CLTCL1: variants seen among roughly 807,000 people sequenced by gnomAD.
CLTCL1 encodes the protein clathrin heavy chain 2.
CLTCL1 carries 159 observed loss-of-function variants against 190.0 expected under a neutral mutation model. That is an observed-to-expected ratio of 0.84 (90% confidence interval 0.74 to 0.95). CLTCL1 has a LOEUF of 0.95. Among genes scored for constraint, CLTCL1 ranks in the 40% least tolerant of loss-of-function variants. CLTCL1 has a pLI of 0.00. For missense variants in CLTCL1, 1,878 were observed against 2,033.4 expected, an observed-to-expected ratio of 0.92 and a Z score of 1.47; for synonymous variants, 752 against 769.6, an observed-to-expected ratio of 0.98 and a Z score of 0.38.
At chr22:19,248,238 G>A (rs368047069) in intron 3 of CLTCL1, among the ~76,000 whole-genome samples, 3 of 151,804 alleles carry the variant, frequency 2.0e-5, no homozygotes, top group South Asian at 2.1e-4. Context: ...CGGAGGTTGC[G>A]GTGAGCCAAG....
chr22:19,183,831 A>G, intron 29 of CLTCL1: 1 of 569,050 alleles, frequency 1.8e-6, no homozygotes, highest in Non-Finnish European at 3.1e-6. Context: ...CAGGTGGCTC[A>G]CGGAGGCGCA....
At chr22:19,230,397 C>A (rs868918968) in intron 10 of CLTCL1, among the ~76,000 whole-genome samples, 6 of 152,136 alleles carry the variant, frequency 3.9e-5, no homozygotes, top group Admixed American at 2.6e-4. Context: ...AGCCACTGCG[C>A]CCGGCCCCTT....
chr22:19,210,365 G>A lies in CLTCL1; in HGVS notation c.3210C>T (p.Thr1070=), dbSNP rs782023630. Reference sequence around the variant, plus strand: ...CATTCATATCAAACTTGTGGAAAACGGTGAAGGCCTCCTCATACAGTGCGC... The same window carrying A: ...CATTCATATCAAACTTGTGGAAAACAGTGAAGGCCTCCTCATACAGTGCGC... ...VSSALYEEAF[T]VFHKFDMNAS... The change falls in exon 20 of 33, where the codon ACC becomes ACT. Residue 1070 remains threonine, a synonymous_variant. Coordinates refer to ENST00000427926, the MANE Select transcript of CLTCL1 (RefSeq NM_007098.4). The A allele has an allele frequency of 1.1e-5, 17 of 1,613,840 alleles. No homozygotes were observed. Among genetic ancestry groups the A allele is most frequent in the East Asian group, 2.2e-5 (1 of 44,884 alleles).
intron 1 of CLTCL1, among the ~76,000 whole-genome samples, chr22:19,291,112 T>C (rs782067368): frequency 2.0e-5 from 3 of 152,184 alleles, no homozygotes; most frequent in Non-Finnish European, 2.9e-5. Context: ...AAAAGCCCTA[T>C]TTAGGCTTGG....
rs2085792711 is a variant in CLTCL1 at position 19,227,653 on chromosome 22, C to T, written c.1783-1270G>A. On this transcript the variant is annotated intron_variant, in intron 11 of 32. Transcript: ENST00000427926. Reference sequence around the variant, plus strand: ...TATTTTTAGTAAAGACAGGGTTTCACCATGTTGGCCAGGCTGGTCTCGATC... The same window carrying T: ...TATTTTTAGTAAAGACAGGGTTTCATCATGTTGGCCAGGCTGGTCTCGATC... 5.3e-5 allele frequency among the ~76,000 whole-genome samples: 8 copies of T among 151,974 alleles called. No homozygotes were observed. In the South Asian group the frequency reaches 1.5e-3, roughly 28 times the overall value.
At chr22:19,283,919 G>A in intron 1 of CLTCL1, among the ~76,000 whole-genome samples, 1 of 151,472 alleles carries the variant, frequency 6.6e-6, no homozygotes, top group East Asian at 2.0e-4. Flanking sequence ...TTGAAACCAG[G>A]AGGCAGAGGC....
intron 2 of CLTCL1, among the ~76,000 whole-genome samples, chr22:19,272,805 G>A (rs1348550047): frequency 1.3e-5 from 2 of 152,044 alleles, no homozygotes; most frequent in Non-Finnish European, 2.9e-5. Context: ...TAGGGACAGG[G>A]TCTTGCTCTG....
At chr22:19,216,074 C>CAAGCAG in intron 19 of CLTCL1, 37 bp downstream of exon 19, 1 of 1,603,248 alleles carries the variant, frequency 6.2e-7, no homozygotes, top group East Asian at 2.2e-5. Context: ...TGTTTTGAAT[C>CAAGCAG]TGCCTGTGTC....
chr22:19,223,815 G>A, intron 14 of CLTCL1, 76 bp downstream of exon 14: 1 of 1,567,090 alleles, frequency 6.4e-7, no homozygotes, highest in Non-Finnish European at 8.7e-7. Flanking sequence ...CCTGCCCCTG[G>A]GACGTCCTGC....
chr22:19,239,173 G>A, intron 5 of CLTCL1, 102 bp downstream of exon 5: 2 of 877,994 alleles, frequency 2.3e-6, no homozygotes, highest in Admixed American at 3.7e-5. Context: ...ACAGTGGCAG[G>A]AGACAGCAGA....
intron 26 of CLTCL1, among the ~76,000 whole-genome samples, chr22:19,195,857 TAA>T (rs74936976): frequency 7.5e-6 from 1 of 133,794 alleles, no homozygotes; most frequent in African/African-American, 2.8e-5. Flanking sequence ...AGACATGAAC[TAA>T]AAAAAAAAAA....
Position 19,183,383 on chromosome 22 carries a change from C to T in CLTCL1, c.4827+7G>A. On this transcript the variant is annotated splice_region_variant and intron_variant, in intron 30 of 32. Coordinates refer to ENST00000427926, the MANE Select transcript of CLTCL1 (RefSeq NM_007098.4). ...GGCCGGGGAGCTGCAGCCGGCCCGG[C>T]ACCTACCTTGCTCAGGTACTCCCTC... 6 of 1,611,730 alleles carry T rather than the reference C, an allele frequency of 3.7e-6. No homozygotes were observed. In the South Asian group the frequency reaches 4.4e-5, roughly 12 times the overall value.
chr22:19,199,116 C>T (rs1465934019), intron 24 of CLTCL1, among the ~76,000 whole-genome samples: 18 of 152,192 alleles, frequency 1.2e-4, no homozygotes, highest in Non-Finnish European at 5.9e-5. Flanking sequence ...CACTGCTGAG[C>T]AGAGTCAGAT....
intron 2 of CLTCL1, among the ~76,000 whole-genome samples, chr22:19,272,707 G>A (rs562866647): frequency 6.6e-6 from 1 of 152,190 alleles, no homozygotes; most frequent in Admixed American, 6.5e-5. Flanking sequence ...CCGACCTCCA[G>A]GTGATCTGCC....
chr22:19,242,735 G>A, intron 4 of CLTCL1, 40 bp downstream of exon 4: 1 of 1,611,482 alleles, frequency 6.2e-7, no homozygotes, highest in Non-Finnish European at 8.5e-7. Context: ...ACCAGCTCAT[G>A]ACACTTTTCT....
intron 3 of CLTCL1, among the ~76,000 whole-genome samples, chr22:19,251,499 C>T (rs977005506): frequency 1.3e-5 from 2 of 152,126 alleles, no homozygotes; most frequent in African/African-American, 4.8e-5. Context: ...GCTCTTTTGC[C>T]CAGGCCGGAC....
rs905233727 is a variant in CLTCL1, at chr22:19,248,543, T to C, written c.519+5416A>G. On this transcript the variant is annotated intron_variant, in intron 3 of 32. Transcript: ENST00000427926. ...CCTTTGAAAGAAACCCTATTAGCAT[T>C]CAATCCTCATTCCTATCTCCCAGAC... 2.0e-5 allele frequency among the ~76,000 whole-genome samples: 3 copies of C among 152,142 alleles called. No homozygotes were observed. In the South Asian group the frequency reaches 6.2e-4, roughly 32 times the overall value.
intron 3 of CLTCL1, among the ~76,000 whole-genome samples, chr22:19,247,821 A>G (rs1248851880): frequency 6.6e-6 from 1 of 151,496 alleles, no homozygotes; most frequent in African/African-American, 2.4e-5. Context: ...TTGGCCTCCC[A>G]AAGTGCTGGG....
Position 19,222,098 on chromosome 22 carries a change from G to A in CLTCL1, c.2419-5C>T, listed in dbSNP as rs782412434. The A allele has an allele frequency of 1.2e-6, 2 of 1,613,016 alleles. No homozygotes were observed. Among genetic ancestry groups the A allele is most frequent in the African/African-American group, 2.7e-5 (2 of 74,980 alleles). ...TGGGGTCCGGCTAGGGTTGACCTAG[G>A]GTAGTCAAGGTCAAGTAACTTCAGT... On this transcript the variant is annotated splice_region_variant and splice_polypyrimidine_tract_variant and intron_variant, in intron 15 of 32. Transcript: ENST00000427926.
Sources: allele counts gnomAD v4.1 joint callset (sites outside exome capture counted in the v4.1 genomes callset), GRCh38; gene constraint gnomAD v4.1.1; transcripts MANE v1.5; gene names NCBI Gene and HGNC (gene_info 2026-07-23, HGNC 2026-07-21).